Variants in STK32A observed in about 807,000 individuals in gnomAD.
STK32A encodes serine/threonine-protein kinase 32A.
In STK32A, 41 loss-of-function variants were observed where a neutral mutation model predicts 53.2. That is an observed-to-expected ratio of 0.77 (90% confidence interval 0.60 to 1.00). STK32A has a LOEUF of 1.00. STK32A is among the 50% of genes least tolerant of loss of function. The pLI, the probability that STK32A is intolerant of heterozygous loss-of-function variation, is 0.00. For missense variants in STK32A, 458 were observed against 485.8 expected, an observed-to-expected ratio of 0.94 and a Z score of 0.54; for synonymous variants, 166 against 162.8, an observed-to-expected ratio of 1.02 and a Z score of -0.15.
intron 4 of STK32A, among the ~76,000 whole-genome samples, chr5:147,283,776 AAGC>A (rs1264530394): frequency 6.6e-6 from 1 of 152,126 alleles, no homozygotes; most frequent in Non-Finnish European, 1.5e-5. Context: ...GATCAATAGC[AAGC>A]AGCGAGATTG....
intron 8 of STK32A, among the ~76,000 whole-genome samples, chr5:147,363,466 T>G (rs982809016): frequency 1.3e-5 from 2 of 152,108 alleles, no homozygotes; most frequent in African/African-American, 4.8e-5. Flanking sequence ...GTCCTGCCCT[T>G]CGAAACAGAG....
intron 5 of STK32A, chr5:147,342,603 C>T (rs2400294): frequency 0.27 from 45,062 of 169,936 alleles, 8,821 homozygotes; most frequent in African/African-American, 0.57. Flanking sequence ...ATCATCTGTG[C>T]AATTCTAGAG....
chr5:147,283,996 T>C (rs1317185231), intron 4 of STK32A, among the ~76,000 whole-genome samples: 2 of 152,106 alleles, frequency 1.3e-5, no homozygotes, highest in East Asian at 3.9e-4. Flanking sequence ...CCAATATCAC[T>C]GATGAACACA....
intron 5 of STK32A, chr5:147,342,792 C>T: frequency 2.0e-6 from 1 of 509,034 alleles, no homozygotes; most frequent in African/African-American, 2.0e-5. Context: ...CATTTACTAG[C>T]CTGTGACCTT....
the STK32A span, chr5:147,401,793 TGTCTCAGA>T: frequency 6.9e-7 from 1 of 1,454,088 alleles, no homozygotes; most frequent in South Asian, 1.3e-5. Flanking sequence ...CCCAGGACTG[TGTCTCAGA>T]GTCAGACTGA....
At chr5:147,266,229 G>C (rs1321730290) in intron 2 of STK32A, among the ~76,000 whole-genome samples, 1 of 152,154 alleles carries the variant, frequency 6.6e-6, no homozygotes, top group Non-Finnish European at 1.5e-5. Flanking sequence ...TTGTGAAGCG[G>C]ATGGAGTCCA....
chr5:147,378,913 A>AT (rs1757343383), intron 11 of STK32A, among the ~76,000 whole-genome samples: 1 of 79,642 alleles, frequency 1.3e-5, no homozygotes, highest in East Asian at 4.8e-4. Flanking sequence ...TCAAGCCCTT[A>AT]TTTGGTTCCA....
intron 4 of STK32A, among the ~76,000 whole-genome samples, chr5:147,319,139 C>CTTTTTTTT: frequency 9.9e-6 from 1 of 100,580 alleles, no homozygotes; most frequent in Non-Finnish European, 2.0e-5. Flanking sequence ...ACAACTGGTA[C>CTTTTTTTT]TTTTTTTTTT....
chr5:147,346,309 CAT>C (rs2151990880), intron 6 of STK32A, among the ~76,000 whole-genome samples: 1 of 152,300 alleles, frequency 6.6e-6, no homozygotes, highest in African/African-American at 2.4e-5. Context: ...GCTTGGGCCT[CAT>C]GTGGAAATTG....
chr5:147,333,826 A>T (rs922430964), intron 5 of STK32A, among the ~76,000 whole-genome samples: 1 of 152,332 alleles, frequency 6.6e-6, no homozygotes, highest in African/African-American at 2.4e-5. Flanking sequence ...AAAGAACAAT[A>T]ATCTTACTAA....
intron 6 of STK32A, among the ~76,000 whole-genome samples, chr5:147,348,458 G>A (rs538441398): frequency 6.6e-6 from 1 of 152,174 alleles, no homozygotes; most frequent in Non-Finnish European, 1.5e-5. Flanking sequence ...GTTGAGGGGG[G>A]ACGGGGCGTA....
intron 7 of STK32A, among the ~76,000 whole-genome samples, chr5:147,360,632 AT>A (rs1756463553): frequency 6.6e-6 from 1 of 152,178 alleles, no homozygotes; most frequent in Admixed American, 6.5e-5. Flanking sequence ...TCCAGAGCTA[AT>A]GATCACAACT....
intron 2 of STK32A, among the ~76,000 whole-genome samples, chr5:147,246,161 T>C (rs1202757372): frequency 2.0e-5 from 3 of 152,206 alleles, no homozygotes; most frequent in Admixed American, 6.5e-5. Flanking sequence ...CTAGCAAGAA[T>C]TGGCTTCTTA....
intron 2 of STK32A, among the ~76,000 whole-genome samples, chr5:147,242,554 G>T (rs1446494712): frequency 6.6e-6 from 1 of 152,166 alleles, no homozygotes; most frequent in African/African-American, 2.4e-5. Flanking sequence ...TTCTAAGGAG[G>T]TGACATTTGG....
intron 4 of STK32A, among the ~76,000 whole-genome samples, chr5:147,316,136 T>C (rs1383887940): frequency 6.6e-6 from 1 of 152,200 alleles, no homozygotes; most frequent in African/African-American, 2.4e-5. Context: ...ATTTTGAAAG[T>C]GTTGAGTGTA....
intron 2 of STK32A, among the ~76,000 whole-genome samples, chr5:147,266,915 C>G (rs1754836107): frequency 6.6e-6 from 1 of 151,812 alleles, no homozygotes; most frequent in Non-Finnish European, 1.5e-5. Flanking sequence ...CCCAGCTACT[C>G]TGGAGGCTGA....
chr5:147,239,240 A>G (rs904133503), intron 1 of STK32A, among the ~76,000 whole-genome samples: 3 of 152,206 alleles, frequency 2.0e-5, no homozygotes, highest in African/African-American at 7.2e-5. Context: ...TTTTCTCAAC[A>G]ATATTTTCAT....
At chr5:147,353,235 G>C (rs553951086) in intron 7 of STK32A, among the ~76,000 whole-genome samples, 1 of 152,180 alleles carries the variant, frequency 6.6e-6, no homozygotes, top group Non-Finnish European at 1.5e-5. Context: ...CCTCCATACC[G>C]GGGTGGCTGA....
chr5:147,268,085 G>T (rs544030702), intron 2 of STK32A, among the ~76,000 whole-genome samples: 1 of 152,150 alleles, frequency 6.6e-6, no homozygotes, highest in African/African-American at 2.4e-5. Context: ...ATGTATTTGT[G>T]TGATTTTGAT....
Sources: allele counts gnomAD v4.1 joint callset (sites outside exome capture counted in the v4.1 genomes callset), GRCh38; gene constraint gnomAD v4.1.1; transcripts MANE v1.5; gene names NCBI Gene and HGNC (gene_info 2026-07-23, HGNC 2026-07-21).